Variants in RP1 observed in about 807,000 individuals in gnomAD.
RP1 encodes RP1 axonemal microtubule associated, also known as oxygen-regulated protein 1.
RP1 carries 16 observed loss-of-function variants against 14.8 expected under a neutral mutation model. The observed-to-expected ratio is 1.08, with a 90% CI of 0.73 to 1.65. The LOEUF is 1.65. RP1 is among the 40% of genes most tolerant of loss of function. RP1 has a pLI of 0.00. For missense variants in RP1, 2,631 were observed against 2,535.0 expected, an observed-to-expected ratio of 1.04 and a Z score of -0.81; for synonymous variants, 876 against 883.6, an observed-to-expected ratio of 0.99 and a Z score of 0.15.
downstream of RP1, among the ~76,000 whole-genome samples, chr8:54,635,633 C>T (rs1211938471): frequency 2.0e-5 from 3 of 152,014 alleles, no homozygotes; most frequent in African/African-American, 4.8e-5. Context: ...AAATTTAGTC[C>T]TACTTTGTCA....
At chr8:54,741,731 A>G (rs1271567793) in intron 19 of RP1, among the ~76,000 whole-genome samples, 2 of 134,884 alleles carry the variant, frequency 1.5e-5, no homozygotes, top group Admixed American at 1.5e-4. Context: ...ATATATATAT[A>G]TATATATATA....
chr8:54,725,355 C>T (rs998159812), intron 16 of RP1, among the ~76,000 whole-genome samples: 1 of 151,780 alleles, frequency 6.6e-6, no homozygotes, highest in African/African-American at 2.4e-5. Context: ...GTATATAAAC[C>T]ATATGGAAAA....
rs1806028680 is a variant in RP1 at position 54,625,853 on chromosome 8, T to A, written c.1971T>A (p.Leu657=). 6.2e-7 allele frequency: 1 copy of A among 1,613,376 alleles called. No individual in the cohort carries two copies. Among genetic ancestry groups the A allele is most frequent in the Admixed American group, 1.7e-5 (1 of 59,984 alleles). Residue 657 remains leucine, a synonymous_variant, in exon 4 of 4, where the codon CTT becomes CTA. Transcript: ENST00000220676. Reference sequence around the variant, plus strand: ...TTGCTCAGTGTGGTTTAACAAAACTTCCAAAAAATGAAAAGAAGATTTTGT... The same window carrying A: ...TTGCTCAGTGTGGTTTAACAAAACTACCAAAAAATGAAAAGAAGATTTTGT... ...NEFAQCGLTK[L]PKNEKKILSS...
intron 12 of RP1, among the ~76,000 whole-genome samples, chr8:54,696,079 A>C (rs1585614519): frequency 2.0e-5 from 3 of 152,308 alleles, no homozygotes; most frequent in Admixed American, 2.0e-4. Context: ...TAACCTCTGC[A>C]TCAGACCTTA....
intron 1 of RP1, among the ~76,000 whole-genome samples, chr8:54,569,878 G>A (rs866539902): frequency 2.6e-5 from 4 of 152,320 alleles, no homozygotes; most frequent in South Asian, 4.1e-4. Flanking sequence ...AGTAAGACAG[G>A]GAGGTGGACA....
chr8:54,586,763 C>T (rs1329455101), intron 1 of RP1, among the ~76,000 whole-genome samples: 1 of 152,198 alleles, frequency 6.6e-6, no homozygotes, highest in Admixed American at 6.5e-5. Flanking sequence ...TAGCAATGAG[C>T]ATGGCTCCGT....
At chr8:54,570,577 C>A (rs1052500422) in intron 1 of RP1, among the ~76,000 whole-genome samples, 2 of 151,890 alleles carry the variant, frequency 1.3e-5, no homozygotes, top group African/African-American at 4.8e-5. Flanking sequence ...ATCTGCCCAC[C>A]TTGGCCTCCC....
intron 12 of RP1, among the ~76,000 whole-genome samples, chr8:54,681,507 TGTGTG>T (rs1563346162): frequency 4.9e-4 from 75 of 151,916 alleles, no homozygotes; most frequent in Admixed American, 2.2e-3. Flanking sequence ...TGTGTGTGTG[TGTGTG>T]TGTGTGTGTG....
At position 54,626,185 on chromosome 8, in the gene RP1, C is replaced by T. The variant is rs1162608680; in HGVS notation, c.2303C>T (p.Ser768Phe). 1 of 1,611,078 alleles carries T rather than the reference C, an allele frequency of 6.2e-7. No homozygotes were observed. The highest frequency in any genetic ancestry group is 8.5e-7 in the Non-Finnish European group (1 of 1,178,734). ...HRNKLNTTQNSKVQGLLTKRK... is the reference protein window; with the variant it reads ...HRNKLNTTQNFKVQGLLTKRK... ...AATAAATTAAATACTACTCAAAATT[C>T]CAAGGTTCAAGGACTTTTAACCAAA... is the stretch of plus-strand genomic sequence containing the variant. The change falls in exon 4 of 4, where the codon TCC becomes TTC. Residue 768 changes from serine to phenylalanine, a missense_variant. Transcript: ENST00000220676.
At chr8:54,688,514 T>G (rs1807623723) in intron 12 of RP1, among the ~76,000 whole-genome samples, 1 of 152,182 alleles carries the variant, frequency 6.6e-6, no homozygotes, top group African/African-American at 2.4e-5. Flanking sequence ...GGGATCCAGT[T>G]TCAGCTTTCT....
intron 11 of RP1, chr8:54,679,775 C>A (rs1254672346): frequency 6.5e-7 from 1 of 1,533,498 alleles, no homozygotes; most frequent in East Asian, 2.4e-5. Flanking sequence ...CTGGTGTTTT[C>A]ATTTGTTTTG....
At chr8:54,816,355 A>G (rs1811132680) in intron 24 of RP1, among the ~76,000 whole-genome samples, 1 of 152,244 alleles carries the variant, frequency 6.6e-6, no homozygotes. Flanking sequence ...GCTAATGGCC[A>G]TTAAAAGCAA....
intron 24 of RP1, among the ~76,000 whole-genome samples, chr8:54,816,816 C>A (rs1049892651): frequency 1.3e-5 from 2 of 152,148 alleles, no homozygotes; most frequent in Admixed American, 1.3e-4. Context: ...ATCCTTCATC[C>A]ATTCTGTGCT....
chr8:54,821,641 A>C (rs1390624199), intron 24 of RP1, among the ~76,000 whole-genome samples: 3 of 152,094 alleles, frequency 2.0e-5, no homozygotes, highest in Non-Finnish European at 4.4e-5. Context: ...GAAGTCTCAC[A>C]CTCTAAGAGC....
intron 26 of RP1, among the ~76,000 whole-genome samples, chr8:54,853,736 G>A (rs1357536733): frequency 6.9e-6 from 1 of 144,578 alleles, no homozygotes; most frequent in East Asian, 2.4e-4. Context: ...CTAAAAAAAA[G>A]AGAGAAAGAA....
intron 8 of RP1, among the ~76,000 whole-genome samples, chr8:54,675,318 G>T (rs1406074074): frequency 2.0e-5 from 3 of 152,138 alleles, no homozygotes; most frequent in Non-Finnish European, 2.9e-5. Context: ...CAATGAGATT[G>T]TAAGAGTCAT....
intron 24 of RP1, among the ~76,000 whole-genome samples, chr8:54,802,749 A>G (rs1810743950): frequency 6.6e-6 from 1 of 152,198 alleles, no homozygotes; most frequent in Non-Finnish European, 1.5e-5. Context: ...AAGGACATAA[A>G]CACATGACAC....
chr8:54,657,931 A>G (rs1194556774), intron 6 of RP1, among the ~76,000 whole-genome samples: 1 of 152,250 alleles, frequency 6.6e-6, no homozygotes. Context: ...TAACACAAAC[A>G]TTAACCTTAC....
chr8:54,765,710 C>T (rs944011585), intron 22 of RP1, among the ~76,000 whole-genome samples: 1 of 152,096 alleles, frequency 6.6e-6, no homozygotes, highest in Non-Finnish European at 1.5e-5. Flanking sequence ...TACTGAAATT[C>T]TTATCCCTCA....
Sources: allele counts gnomAD v4.1 joint callset (sites outside exome capture counted in the v4.1 genomes callset), GRCh38; gene constraint gnomAD v4.1.1; transcripts MANE v1.5; gene names NCBI Gene and HGNC (gene_info 2026-07-23, HGNC 2026-07-21).